The following DGKH variants were observed in gnomAD, a reference collection of about 807,000 sequenced individuals.
DGKH encodes the protein DAG kinase eta.
A neutral mutation model predicts 159.3 loss-of-function variants in DGKH; 90 were observed. That is an observed-to-expected ratio of 0.57 (90% CI 0.48 to 0.67). The LOEUF is 0.67. Among genes scored for constraint, DGKH ranks in the 30% least tolerant of loss-of-function variants. DGKH has a pLI of 0.00. For synonymous variants in DGKH, 536 were observed against 553.8 expected (o/e 0.97, Z 0.45); for missense variants, 1,181 against 1,506.1 (o/e 0.78, Z 3.57).
rs1483390310 is a variant in DGKH at position 42,241,230 on chromosome 13, A to G, written c.*12042A>G. 6.6e-6 allele frequency: 1 copy of G among 152,246 alleles called. No individual in the cohort carries two copies. The highest frequency in any genetic ancestry group is 1.5e-5 in the Non-Finnish European group (1 of 68,042). The allele number at this position is 152,246 out of a possible 1,614,324, so 9.4% of individuals were successfully genotyped here. A position where few individuals can be genotyped will look rare whatever the true frequency, so the allele number is the denominator to read the frequency against. Reference sequence around the variant, plus strand: ...GCACTCAATTAGATTCTGGGGATACAGATAAAATAAGACAAAGCTCCCATC... The same window carrying G: ...GCACTCAATTAGATTCTGGGGATACGGATAAAATAAGACAAAGCTCCCATC... On this transcript the variant is annotated 3_prime_UTR_variant, in exon 30 of 30. Transcript: ENST00000337343.
At chr13:42,087,861 T>C (rs925326747) in intron 1 of DGKH, among the ~76,000 whole-genome samples, 2 of 151,076 alleles carry the variant, frequency 1.3e-5, no homozygotes, top group African/African-American at 4.9e-5. Context: ...GAGGAAGTAA[T>C]GGCCACAATT....
At chr13:42,093,135 T>C (rs1382491473) in intron 1 of DGKH, among the ~76,000 whole-genome samples, 2 of 151,854 alleles carry the variant, frequency 1.3e-5, no homozygotes, top group African/African-American at 4.8e-5. Flanking sequence ...TCCCAGCTGC[T>C]TGGGAGGCTG....
chr13:42,241,197 T>A lies in DGKH; in HGVS notation c.*12009T>A, dbSNP rs1022110136. ...ACTTGATAGACTTTTCTACCTGCTCTATACTTGGCACTCAATTAGATTCTG... is the reference window on the plus strand; with the variant it reads ...ACTTGATAGACTTTTCTACCTGCTCAATACTTGGCACTCAATTAGATTCTG... On this transcript the variant is annotated 3_prime_UTR_variant, in exon 30 of 30. Transcript: ENST00000337343. The A allele has an allele frequency of 6.6e-6, 1 of 152,248 alleles. No individual in the cohort carries two copies. Among genetic ancestry groups the A allele is most frequent in the African/African-American group, 2.4e-5 (1 of 41,466 alleles). The allele number at this position is 152,248 out of a possible 1,614,324, so 9.4% of individuals were successfully genotyped here. A position where few individuals can be genotyped will look rare whatever the true frequency, so the allele number is the denominator to read the frequency against.
At chr13:42,099,117 G>A (rs1319718673) in intron 1 of DGKH, among the ~76,000 whole-genome samples, 1 of 152,004 alleles carries the variant, frequency 6.6e-6, no homozygotes, top group Non-Finnish European at 1.5e-5. Flanking sequence ...TCATCTTCTC[G>A]CCCACACTAA....
rs182460472 is a variant in DGKH at position 42,233,805 on chromosome 13, G to A, written c.*4617G>A. 2 of 152,292 alleles carry A rather than the reference G, an allele frequency of 1.3e-5. No individual in the cohort carries two copies. The highest frequency in any genetic ancestry group is 2.1e-4 in the South Asian group (1 of 4,828). The allele number at this position is 152,292 out of a possible 1,614,324, so 9.4% of individuals were successfully genotyped here. On this transcript the variant is annotated 3_prime_UTR_variant, in exon 30 of 30. Coordinates refer to ENST00000337343, the MANE Select transcript of DGKH (RefSeq NM_178009.5). ...CACGGGGGACATTTCAGAAAAATGT[G>A]TACTAAGTTAAAACCATGTTTAGTC...
intron 16 of DGKH, among the ~76,000 whole-genome samples, chr13:42,192,399 A>G (rs1251183083): frequency 6.6e-6 from 1 of 152,088 alleles, no homozygotes; most frequent in Non-Finnish European, 1.5e-5. Flanking sequence ...GATTACAGTA[A>G]TTATTAGGTT....
In DGKH at chr13:42,041,272, C is replaced by A; in HGVS notation, c.-13+1146C>A. On this transcript the variant is annotated intron_variant, in intron 1 of 29. Coordinates refer to the DGKH transcript ENST00000379274. ...AGGAGAAGCCAGGCTGCGCGGTCAG[C>A]GTGGGGAGTCTGAGGAGCCCGGTTT... Among the ~76,000 whole-genome samples, 3 of 152,234 alleles carry A rather than the reference C, an allele frequency of 2.0e-5. No homozygotes were observed. The East Asian group carries it at 5.8e-4, about 29-fold the overall frequency.
intron 30 of DGKH, chr13:42,255,836 G>T: frequency 1.5e-6 from 1 of 654,280 alleles, no homozygotes; most frequent in East Asian, 2.8e-5. Context: ...ATATAAAAAG[G>T]GCAGCCCATT....
intron 13 of DGKH, among the ~76,000 whole-genome samples, chr13:42,185,970 T>C (rs1956909968): frequency 6.7e-6 from 1 of 149,636 alleles, no homozygotes. Flanking sequence ...TGAAGGTTGG[T>C]AGTGTGTGTG....
intron 1 of DGKH, among the ~76,000 whole-genome samples, chr13:42,083,624 G>T (rs9566912): frequency 3.3e-5 from 5 of 152,140 alleles, no homozygotes; most frequent in Non-Finnish European, 7.3e-5. Context: ...ACTGGGCTTC[G>T]GGTTGGACTG....
At chr13:42,152,937 C>G (rs1955950236) in intron 3 of DGKH, among the ~76,000 whole-genome samples, 1 of 152,128 alleles carries the variant, frequency 6.6e-6, no homozygotes, top group Non-Finnish European at 1.5e-5. Context: ...ACGGTAGCAT[C>G]TGGGGGTGTG....
At chr13:42,168,402 A>T in intron 9 of DGKH, 38 bp from the exon 10 acceptor site, 1 of 1,549,500 alleles carries the variant, frequency 6.5e-7, no homozygotes, top group Non-Finnish European at 8.8e-7. Context: ...AGTGATTTTT[A>T]TTTCTTTATA....
At chr13:42,110,823 C>T (rs1171659432) in intron 1 of DGKH, among the ~76,000 whole-genome samples, 2 of 152,198 alleles carry the variant, frequency 1.3e-5, no homozygotes, top group Admixed American at 6.5e-5. Context: ...ATTTATACAG[C>T]ATGTACATTT....
intron 3 of DGKH, among the ~76,000 whole-genome samples, chr13:42,144,755 G>A (rs1179621919): frequency 6.6e-6 from 1 of 151,950 alleles, no homozygotes; most frequent in Admixed American, 6.6e-5. Flanking sequence ...GACAACTCCA[G>A]AATTGGGCTT....
chr13:42,214,752 G>A (rs1281153849), intron 25 of DGKH, 140 bp downstream of exon 25: 2 of 569,122 alleles, frequency 3.5e-6, no homozygotes, highest in Non-Finnish European at 5.4e-6. Context: ...CAGTAAAATC[G>A]TGGACAACTT....
At chr13:42,083,564 G>A (rs1461379145) in intron 1 of DGKH, among the ~76,000 whole-genome samples, 1 of 152,244 alleles carries the variant, frequency 6.6e-6, no homozygotes, top group African/African-American at 2.4e-5. Flanking sequence ...TGTAGGCGTG[G>A]AAGTACCTTC....
intron 1 of DGKH, among the ~76,000 whole-genome samples, chr13:42,065,508 G>T (rs1376640505): frequency 6.6e-6 from 1 of 152,216 alleles, no homozygotes; most frequent in African/African-American, 2.4e-5. Flanking sequence ...ATTGTCATTT[G>T]CTATGGAACA....
chr13:42,166,644 T>C lies in DGKH; in HGVS notation c.1088T>C (p.Phe363Ser). The change falls in exon 9 of 30, where the codon TTT becomes TCT. Residue 363 changes from phenylalanine (F) to serine (S), a missense_variant. By Grantham distance (155) the Phe-to-Ser change is radical (BLOSUM62 -2). Coordinates refer to ENST00000337343, the MANE Select transcript of DGKH (RefSeq NM_178009.5). ...CAGTTGCTAAATCCGGCTCAGGTGT[T>C]TGATTTAATGAATGGAGGTCCTCAT... ...FKQLLNPAQV[F>S]DLMNGGPHLG... is the part of the protein sequence containing the mutation. The C allele has an allele frequency of 6.2e-7, 1 of 1,603,036 alleles. No homozygotes were observed. The highest frequency in any genetic ancestry group is 1.3e-5 in the African/African-American group (1 of 74,540).
At chr13:42,213,514 ATCTCT>A (rs1267739237) in intron 24 of DGKH, among the ~76,000 whole-genome samples, 2 of 152,130 alleles carry the variant, frequency 1.3e-5, no homozygotes. Flanking sequence ...ACCTTTATCC[ATCTCT>A]GTTCTTCTGA....
Sources: gnomAD v4.1 joint callset for allele counts (sites outside exome capture counted in the v4.1 genomes callset) on GRCh38, gnomAD v4.1.1 for gene constraint, MANE v1.5 for transcripts, NCBI Gene and HGNC (gene_info 2026-07-23, HGNC 2026-07-21) for gene names.